MYOM3: variants seen among roughly 807,000 people sequenced by gnomAD.
MYOM3 encodes the protein myomesin-3.
MYOM3 carries 155 observed loss-of-function variants against 191.7 expected under a neutral mutation model. The ratio of observed to expected loss-of-function variants is 0.81; its 90% CI spans 0.71 to 0.92. The LOEUF (loss-of-function observed/expected upper bound fraction) is 0.92, where lower values mean the gene tolerates loss of function less well. MYOM3 is among the 40% of genes least tolerant of loss of function. The pLI is 0.00. For synonymous variants in MYOM3, 757 were observed against 762.9 expected, an observed-to-expected ratio of 0.99 and a Z score of 0.13; for missense variants, 1,889 against 1,890.6, an observed-to-expected ratio of 1.00 and a Z score of 0.02.
chr1:24,069,099 G>A (rs1442067981), intron 25 of MYOM3, among the ~76,000 whole-genome samples: 3 of 152,110 alleles, frequency 2.0e-5, no homozygotes, highest in African/African-American at 4.8e-5. Context: ...AAAAATACTC[G>A]TGTACTTGCT....
intron 11 of MYOM3, among the ~76,000 whole-genome samples, chr1:24,091,602 G>C (rs1643831786): frequency 6.6e-6 from 1 of 152,166 alleles, no homozygotes; most frequent in South Asian, 2.1e-4. Context: ...CACATACTTT[G>C]GTTTCCCCAT....
Position 24,108,651 on chromosome 1 carries a change from C to T in MYOM3, c.-15G>A, listed in dbSNP as rs1644016128. 6.5e-7 allele frequency: 1 copy of T among 1,539,090 alleles called. No individual in the cohort carries two copies. Among genetic ancestry groups the T allele is most frequent in the South Asian group, 1.2e-5 (1 of 82,452 alleles). ...GGCAGAGTCATGGTTACGAGAGCAA[C>T]AACCTGTGAAGGCCAAGGTCCACGG... is the stretch of plus-strand genomic sequence containing the variant. On this transcript the variant is annotated 5_prime_UTR_variant, in exon 2 of 37. Coordinates refer to ENST00000374434, the MANE Select transcript of MYOM3 (RefSeq NM_152372.4).
chr1:24,090,647 CCTT>C lies in MYOM3; in HGVS notation c.1432+147_1432+149del, dbSNP rs565332648. 1.4e-4 allele frequency: 102 copies of C among 730,064 alleles called. No individual in the cohort carries two copies. The East Asian group carries it at 2.6e-3, about 19-fold the overall frequency. 45.2% of individuals were successfully genotyped at this position (730,064 alleles called of 1,614,324 possible). ...AGTTCTCGAGGGCTGGCCTTTGTCT[CCTT>C]CATCAGACTAGTGTTTACTGAGGGC... On this transcript the variant is annotated intron_variant, in intron 12 of 36. Coordinates refer to ENST00000374434, the MANE Select transcript of MYOM3 (RefSeq NM_152372.4).
At chr1:24,102,646 G>A (rs1019505320) in intron 5 of MYOM3, among the ~76,000 whole-genome samples, 3 of 152,060 alleles carry the variant, frequency 2.0e-5, no homozygotes, top group Non-Finnish European at 2.9e-5. Flanking sequence ...CCAGGAGTTC[G>A]AGACAGCCTG....
chr1:24,066,829 T>G, intron 28 of MYOM3, 192 bp downstream of exon 28: 2 of 547,368 alleles, frequency 3.7e-6, no homozygotes, highest in Non-Finnish European at 6.5e-6. Flanking sequence ...TCCTACCCCA[T>G]GGGCGCTGGG....
intron 2 of MYOM3, 150 bp downstream of exon 2, chr1:24,108,326 G>A (rs1040763347): frequency 1.6e-5 from 14 of 901,614 alleles, no homozygotes; most frequent in Non-Finnish European, 2.3e-5. Flanking sequence ...AGCCAATTGT[G>A]TCTCCCCCCT....
At chr1:24,082,323 T>C in intron 17 of MYOM3, 135 bp from the exon 18 acceptor site, 1 of 936,382 alleles carries the variant, frequency 1.1e-6, no homozygotes, top group Non-Finnish European at 1.6e-6. Context: ...GAGCCAGTAG[T>C]ATCTGTGCCT....
chr1:24,098,234 C>A (rs1419345159), intron 6 of MYOM3, among the ~76,000 whole-genome samples: 2 of 152,230 alleles, frequency 1.3e-5, no homozygotes, highest in African/African-American at 4.8e-5. Flanking sequence ...ACCACCTAAA[C>A]CGTCTCAGGA....
chr1:24,081,516 G>A, intron 18 of MYOM3, 60 bp from the exon 19 acceptor site: 1 of 1,592,500 alleles, frequency 6.3e-7, no homozygotes, highest in Non-Finnish European at 8.6e-7. Flanking sequence ...GGGAACAGAA[G>A]CAGTGGTGCG....
intron 5 of MYOM3, among the ~76,000 whole-genome samples, chr1:24,103,986 T>C (rs563098390): frequency 1.1e-4 from 17 of 152,304 alleles, no homozygotes; most frequent in African/African-American, 3.4e-4. Context: ...ATCACTCTCC[T>C]ACCCTCTAGG....
chr1:24,062,165 C>T (rs1160895055), intron 32 of MYOM3, 56 bp from the exon 33 acceptor site: 1 of 1,594,584 alleles, frequency 6.3e-7, no homozygotes, highest in Non-Finnish European at 8.6e-7. Flanking sequence ...TCAACAGATA[C>T]CCGTGCCCCA....
At chr1:24,095,099 TAGG>T in intron 8 of MYOM3, 109 bp from the exon 9 acceptor site, 1 of 1,202,606 alleles carries the variant, frequency 8.3e-7, no homozygotes, top group Middle Eastern at 2.6e-4. Flanking sequence ...GGGTCTTGAC[TAGG>T]AGAAGGGGAC....
At chr1:24,064,211 G>C (rs1240330942) in intron 29 of MYOM3, 52 bp from the exon 30 acceptor site, 4 of 1,455,552 alleles carry the variant, frequency 2.7e-6, no homozygotes, top group Admixed American at 1.7e-5. Flanking sequence ...CAGAAGGAGA[G>C]ATGGATACCA....
intron 22 of MYOM3, 59 bp downstream of exon 22, chr1:24,075,260 G>A (rs1643581810): frequency 3.8e-6 from 6 of 1,574,996 alleles, no homozygotes; most frequent in Non-Finnish European, 4.3e-6. Flanking sequence ...GCCCCTGCCA[G>A]CTCCTCTGAC....
chr1:24,110,376 G>A (rs1342464334), intron 1 of MYOM3, among the ~76,000 whole-genome samples: 2 of 152,118 alleles, frequency 1.3e-5, no homozygotes. Context: ...GTGTATGTGT[G>A]TGTGTGCGTG....
In MYOM3 at chr1:24,081,371, C is replaced by T. The variant is rs770282449; in HGVS notation, c.2366G>A (p.Ser789Asn). Residue 789 changes from serine to asparagine, a missense_variant, in exon 19 of 37, where the codon AGC becomes AAC. Coordinates refer to ENST00000374434, the MANE Select transcript of MYOM3 (RefSeq NM_152372.4). Reference sequence around the variant, plus strand: ...CCACTCTTTGCACTCAAACAGGCTGCTGGGTGCCGACAGCTCGCCAACACC... The same window carrying T: ...CCACTCTTTGCACTCAAACAGGCTGTTGGGTGCCGACAGCTCGCCAACACC... ...WAGVGELSAP[S>N]SLFECKEWTM... The T allele has an allele frequency of 1.9e-6, 3 of 1,613,954 alleles. No individual in the cohort carries two copies. The East Asian group carries it at 6.7e-5, about 36-fold the overall frequency.
At chr1:24,102,329 G>C (rs113547746) in intron 5 of MYOM3, among the ~76,000 whole-genome samples, 1 of 152,290 alleles carries the variant, frequency 6.6e-6, no homozygotes, top group African/African-American at 2.4e-5. Flanking sequence ...GGGGGCCAGG[G>C]TTAGGCCCCC....
intron 25 of MYOM3, among the ~76,000 whole-genome samples, 177 bp from the exon 26 acceptor site, chr1:24,068,544 T>C (rs1199329190): frequency 6.6e-6 from 1 of 151,982 alleles, no homozygotes; most frequent in East Asian, 1.9e-4. Flanking sequence ...CCCGGGGTGC[T>C]TGAATAAGTT....
chr1:24,078,951 A>G (rs1033867771), intron 20 of MYOM3, among the ~76,000 whole-genome samples: 9 of 152,198 alleles, frequency 5.9e-5, no homozygotes, highest in Non-Finnish European at 1.2e-4. Flanking sequence ...GGAAGTTAAA[A>G]CAACCATCAC....
Sources: gnomAD v4.1 joint callset for allele counts (sites outside exome capture counted in the v4.1 genomes callset) on GRCh38, gnomAD v4.1.1 for gene constraint, MANE v1.5 for transcripts, NCBI Gene and HGNC (gene_info 2026-07-23, HGNC 2026-07-21) for gene names.